NAA50: variants seen among roughly 807,000 people sequenced by gnomAD.
The protein encoded by NAA50 is N-alpha-acetyltransferase 50, NatE catalytic subunit, also known as N-alpha-acetyltransferase 50.
NAA50 carries 7 observed loss-of-function variants against 20.7 expected under a neutral mutation model. The observed-to-expected ratio is 0.34, with a 90% CI of 0.19 to 0.63. NAA50 has a LOEUF of 0.63. Ranked by LOEUF, NAA50 falls within the 30% of genes least tolerant of loss-of-function variation. The probability of loss-of-function intolerance (pLI) is 0.75; values close to 1 mark genes in which losing one functional copy is unlikely to be tolerated. For synonymous variants in NAA50, 54 were observed against 70.6 expected (o/e 0.77, Z 1.18); for missense variants, 111 against 199.1 (o/e 0.56, Z 2.66).
intron 1 of NAA50, among the ~76,000 whole-genome samples, chr3:113,740,546 A>T (rs1285502522): frequency 1.3e-5 from 2 of 151,886 alleles, no homozygotes; most frequent in African/African-American, 4.8e-5. Flanking sequence ...TATGATTACT[A>T]TTTTTTTGTA....
intron 3 of NAA50, 51 bp downstream of exon 3, chr3:113,723,371 A>G (rs755871474): frequency 3.3e-6 from 5 of 1,537,160 alleles, no homozygotes; most frequent in Non-Finnish European, 4.4e-6. Flanking sequence ...CACATTAACA[A>G]ATAATATGTT....
chr3:113,723,619 C>T, intron 2 of NAA50, 78 bp from the exon 3 acceptor site: 1 of 1,394,910 alleles, frequency 7.2e-7, no homozygotes, highest in Admixed American at 2.3e-5. Context: ...TAAAGGACTA[C>T]ACTGTTCCTA....
At chr3:113,726,257 A>T (rs969367658) in intron 1 of NAA50, among the ~76,000 whole-genome samples, 1 of 152,108 alleles carries the variant, frequency 6.6e-6, no homozygotes, top group African/African-American at 2.4e-5. Flanking sequence ...AGTTTAAAAA[A>T]GTAAAAATAA....
chr3:113,731,135 T>A (rs1708266634), intron 1 of NAA50, among the ~76,000 whole-genome samples: 2 of 152,236 alleles, frequency 1.3e-5, no homozygotes, highest in African/African-American at 2.4e-5. Flanking sequence ...ATTCATGTTA[T>A]CATCTTTGAT....
chr3:113,741,078 C>A, intron 1 of NAA50: 1 of 516,740 alleles, frequency 1.9e-6, no homozygotes, highest in Non-Finnish European at 3.8e-6. Flanking sequence ...TGTCCACATA[C>A]AGCATTAATT....
intron 1 of NAA50, among the ~76,000 whole-genome samples, chr3:113,741,940 A>T (rs1215365969): frequency 6.6e-6 from 1 of 152,248 alleles, no homozygotes; most frequent in African/African-American, 2.4e-5. Flanking sequence ...TAGTTGTGCC[A>T]CATCATTAAA....
In NAA50 at chr3:113,716,779, A is replaced by G. The variant is rs1347919963; in HGVS notation, c.*4981T>C. 1 of 152,248 alleles carries G rather than the reference A, an allele frequency of 6.6e-6. No individual in the cohort carries two copies. Among genetic ancestry groups the G allele is most frequent in the Non-Finnish European group, 1.5e-5 (1 of 68,034 alleles). 9.4% of individuals were successfully genotyped at this position (152,248 alleles called of 1,614,324 possible). ...TATGTGGCAAATTAGTTTCAGTTAA[A>G]TCAGGAATATCTAATACAAAGCTTA... is the stretch of plus-strand genomic sequence containing the variant. On this transcript the variant is annotated 3_prime_UTR_variant, in exon 5 of 5. Transcript: ENST00000240922.
intron 2 of NAA50, 129 bp downstream of exon 2, chr3:113,723,830 C>A: frequency 9.3e-7 from 1 of 1,071,836 alleles, no homozygotes; most frequent in Admixed American, 3.1e-5. Context: ...ACAACCTAGA[C>A]CACTCCCATT....
intron 1 of NAA50, among the ~76,000 whole-genome samples, chr3:113,724,297 T>C (rs562556752): frequency 3.3e-5 from 5 of 152,194 alleles, no homozygotes; most frequent in Non-Finnish European, 7.3e-5. Context: ...TATAATTACA[T>C]ACATTCAGGG....
intron 1 of NAA50, among the ~76,000 whole-genome samples, chr3:113,735,473 C>T (rs1559740999): frequency 6.6e-6 from 1 of 152,214 alleles, no homozygotes; most frequent in Non-Finnish European, 1.5e-5. Context: ...TAAGGATGGG[C>T]ATAGAGAACG....
Position 113,724,058 on chromosome 3 carries a change from T to C in NAA50, c.46A>G (p.Ile16Val), listed in dbSNP as rs1708170446. 1.2e-6 allele frequency: 2 copies of C among 1,605,792 alleles called. No homozygotes were observed. Among genetic ancestry groups the C allele is most frequent in the African/African-American group, 1.3e-5 (1 of 74,764 alleles). The change falls in exon 2 of 5, where the codon ATT becomes GTT. Residue 16 changes from isoleucine to valine, a missense_variant. Coordinates refer to ENST00000240922, the MANE Select transcript of NAA50 (RefSeq NM_025146.4). ...IELGDVTPHNIKQLKRLNQVI... is the reference protein window; with the variant it reads ...IELGDVTPHNVKQLKRLNQVI... ...TGATTCAATCTTTTCAACTGTTTAA[T>C]ATTGTGTGGTGTCACATCTCCCAGC...
intron 1 of NAA50, among the ~76,000 whole-genome samples, chr3:113,740,366 A>C (rs1369559868): frequency 1.3e-5 from 2 of 152,126 alleles, no homozygotes; most frequent in Admixed American, 1.3e-4. Context: ...AATAACTGTG[A>C]GTTTTTTCTT....
intron 1 of NAA50, among the ~76,000 whole-genome samples, chr3:113,730,820 T>C (rs1224549974): frequency 6.6e-6 from 1 of 152,260 alleles, no homozygotes; most frequent in African/African-American, 2.4e-5. Flanking sequence ...ACTGTAAATT[T>C]ATCCTCTTGT....
chr3:113,730,635 T>C (rs1384130666), intron 1 of NAA50, among the ~76,000 whole-genome samples: 2 of 152,216 alleles, frequency 1.3e-5, no homozygotes, highest in African/African-American at 2.4e-5. Context: ...CAAATCTCTT[T>C]TCTGTTCCCC....
chr3:113,742,785 G>A (rs749444707), intron 1 of NAA50, among the ~76,000 whole-genome samples: 5 of 151,916 alleles, frequency 3.3e-5, no homozygotes, highest in Middle Eastern at 3.2e-3. Context: ...TCTTAGTCAC[G>A]TATTCACATT....
chr3:113,732,904 C>T (rs768366707), intron 1 of NAA50, among the ~76,000 whole-genome samples: 1 of 152,062 alleles, frequency 6.6e-6, no homozygotes, highest in Non-Finnish European at 1.5e-5. Context: ...TTTCTCTATA[C>T]CTTTTATTGC....
At chr3:113,723,061 G>C in intron 3 of NAA50, 89 bp from the exon 4 acceptor site, 1 of 1,405,638 alleles carries the variant, frequency 7.1e-7, no homozygotes, top group Non-Finnish European at 9.4e-7. Context: ...ACTACTTATT[G>C]AGTCCTAAAA....
intron 1 of NAA50, chr3:113,741,073 A>G (rs1708407254): frequency 1.9e-6 from 1 of 515,478 alleles, no homozygotes; most frequent in South Asian, 1.6e-5. Context: ...CAAGCTGTCC[A>G]CATACAGCAT....
chr3:113,727,631 CT>C (rs748920211), intron 1 of NAA50, among the ~76,000 whole-genome samples: 1,770 of 142,904 alleles, frequency 0.012, 22 homozygotes, highest in Admixed American at 0.042. Context: ...AAATACATGC[CT>C]TTTTTTTTTT....
Sources: gnomAD v4.1 joint callset for allele counts (sites outside exome capture counted in the v4.1 genomes callset) on GRCh38, gnomAD v4.1.1 for gene constraint, MANE v1.5 for transcripts, NCBI Gene and HGNC (gene_info 2026-07-23, HGNC 2026-07-21) for gene names.